AADACL4: variants seen among roughly 807,000 people sequenced by gnomAD.
AADACL4 encodes arylacetamide deacetylase like 4.
AADACL4 carries 9 observed loss-of-function variants against 14.1 expected under a neutral mutation model. That is an observed-to-expected ratio of 0.64 (90% CI 0.39 to 1.12). The LOEUF is 1.12. AADACL4 is among the 50% of genes most tolerant of loss of function. AADACL4 has a pLI of 0.01. For missense variants in AADACL4, 531 were observed against 516.1 expected (o/e 1.03, Z -0.28); for synonymous variants, 188 against 201.6 (o/e 0.93, Z 0.57).
At chr1:12,658,365 T>G (rs1647200256) in intron 2 of AADACL4, among the ~76,000 whole-genome samples, 1 of 151,628 alleles carries the variant, frequency 6.6e-6, no homozygotes, top group African/African-American at 2.4e-5. Flanking sequence ...TTCAAGCGAG[T>G]ATCGTGCCTC....
intron 2 of AADACL4, among the ~76,000 whole-genome samples, chr1:12,657,480 G>A (rs993620763): frequency 2.6e-5 from 4 of 152,122 alleles, no homozygotes; most frequent in East Asian, 1.9e-4. Flanking sequence ...GTTGACCCTC[G>A]CCAGTGTTCA....
chr1:12,659,069 C>A (rs1647206617), intron 2 of AADACL4, among the ~76,000 whole-genome samples: 1 of 152,080 alleles, frequency 6.6e-6, no homozygotes, highest in African/African-American at 2.4e-5. Flanking sequence ...ATGTATGGAC[C>A]GACGCATGGA....
In AADACL4 at chr1:12,666,940, C is replaced by A; in HGVS notation, c.*205C>A. On this transcript the variant is annotated 3_prime_UTR_variant, in exon 4 of 4. Transcript: ENST00000376221. ...TGTTTCCTTCCAGCACTAACAATGT[C>A]CATTGCTGGATCTAGCGACATTCTC... is the stretch of plus-strand genomic sequence containing the variant. The A allele has an allele frequency of 3.7e-6, 2 of 533,588 alleles. No individual in the cohort carries two copies. The highest frequency in any genetic ancestry group is 6.5e-6 in the Non-Finnish European group (2 of 309,696). The allele number at this position is 533,588 out of a possible 1,614,324, so 33.1% of individuals were successfully genotyped here.
At chr1:12,651,897 C>T (rs532024870) in intron 2 of AADACL4, among the ~76,000 whole-genome samples, 5 of 148,776 alleles carry the variant, frequency 3.4e-5, no homozygotes, top group African/African-American at 7.6e-5. Context: ...GGCGTGATCT[C>T]GGCTCACTGC....
chr1:12,651,513 G>A (rs1647148415), intron 2 of AADACL4, among the ~76,000 whole-genome samples, 174 bp downstream of exon 2: 1 of 152,182 alleles, frequency 6.6e-6, no homozygotes, highest in Non-Finnish European at 1.5e-5. Context: ...TAGATAGTGT[G>A]GCAGCTGACA....
rs771094758 is a variant in AADACL4, at chr1:12,666,206, T to C, written c.695T>C (p.Leu232Ser). 5 of 1,614,256 alleles carry C rather than the reference T, an allele frequency of 3.1e-6. No homozygotes were observed. The highest frequency in any genetic ancestry group is 4.2e-6 in the Non-Finnish European group (5 of 1,180,048). Residue 232 changes from leucine to serine, a missense_variant, in exon 4 of 4, where the codon TTG becomes TCG. By Grantham distance (145) the Leu-to-Ser change is moderately radical (BLOSUM62 -2). Transcript: ENST00000376221. Reference sequence around the variant, plus strand: ...GTTGTCCAGGCATTCTGTTTGCAGTTGCCATCCTTTCAGCAGAACCAAAAT... The same window carrying C: ...GTTGTCCAGGCATTCTGTTTGCAGTCGCCATCCTTTCAGCAGAACCAAAAT... ...YPVVQAFCLQLPSFQQNQNVP... is the reference protein window; with the variant it reads ...YPVVQAFCLQSPSFQQNQNVP...
Position 12,644,536 on chromosome 1 carries a change from G to C in AADACL4, c.-11G>C, listed in dbSNP as rs765073868. 3 of 1,613,214 alleles carry C rather than the reference G, an allele frequency of 1.9e-6. No individual in the cohort carries two copies. The highest frequency in any genetic ancestry group is 1.7e-5 in the Admixed American group (1 of 59,984). ...CTCCTCAGGGCAGCAGCTCCTCAAGGCCCCAGGAACATGGCTGTCCCCTGG... is the reference window on the plus strand; with the variant it reads ...CTCCTCAGGGCAGCAGCTCCTCAAGCCCCCAGGAACATGGCTGTCCCCTGG... On this transcript the variant is annotated 5_prime_UTR_variant, in exon 1 of 4. Transcript: ENST00000376221.
chr1:12,644,621 T>C lies in AADACL4; in HGVS notation c.75T>C (p.Phe25=). 6.2e-7 allele frequency: 1 copy of C among 1,614,222 alleles called. No individual in the cohort carries two copies. The highest frequency in any genetic ancestry group is 8.5e-7 in the Non-Finnish European group (1 of 1,180,034). The stretch of plus-strand genomic sequence containing the variant: ...TGGGGGTCTTTGTCTGGGCTGTCTT[T>C]GAGCACTTCCTCACCACGGATATCC... The part of the protein sequence containing the change: ...FFLGVFVWAV[F]EHFLTTDIPA... The change falls in exon 1 of 4, where the codon TTT becomes TTC. Residue 25 remains phenylalanine, a synonymous_variant. Transcript: ENST00000376221.
At chr1:12,658,114 TC>T (rs1570431449) in intron 2 of AADACL4, among the ~76,000 whole-genome samples, 2 of 75,848 alleles carry the variant, frequency 2.6e-5, no homozygotes, top group East Asian at 6.8e-4. Context: ...TTTCTTTCCT[TC>T]CTTCCTTCCT....
chr1:12,650,640 C>T (rs559038205), intron 1 of AADACL4, among the ~76,000 whole-genome samples: 1 of 151,800 alleles, frequency 6.6e-6, no homozygotes, highest in Non-Finnish European at 1.5e-5. Context: ...TCAAGTGATT[C>T]TCCTGCCTCA....
At chr1:12,651,586 T>C (rs1032704314) in intron 2 of AADACL4, among the ~76,000 whole-genome samples, 1 of 152,144 alleles carries the variant, frequency 6.6e-6, no homozygotes, top group Admixed American at 6.5e-5. Context: ...GCAGTGGTCA[T>C]GGTGGGGCTG....
chr1:12,647,658 T>C (rs954122574), intron 1 of AADACL4, among the ~76,000 whole-genome samples: 6 of 150,966 alleles, frequency 4.0e-5, no homozygotes, highest in Non-Finnish European at 8.8e-5. Context: ...TTTCTTTCTT[T>C]CTTTTTTTTT....
chr1:12,657,221 C>T (rs1378734543), intron 2 of AADACL4, among the ~76,000 whole-genome samples: 1 of 151,014 alleles, frequency 6.6e-6, no homozygotes, highest in East Asian at 1.9e-4. Context: ...CTCATCTCTG[C>T]TTGTGACCCA....
At position 12,658,116 on chromosome 1, in the gene AADACL4, C is replaced by T. The variant is rs1333626558; in HGVS notation, c.386-3675C>T. Reference sequence around the variant, plus strand: ...CTTTCTTTCTCTCTTTCTTTCCTTCCTTCCTTCCTTCCTTCCTTCCTTCCT... The same window carrying T: ...CTTTCTTTCTCTCTTTCTTTCCTTCTTTCCTTCCTTCCTTCCTTCCTTCCT... On this transcript the variant is annotated intron_variant, in intron 2 of 3. Transcript: ENST00000376221. Among the ~76,000 whole-genome samples, 203 of 70,392 alleles carry T rather than the reference C, an allele frequency of 2.9e-3. 4 individuals are homozygous for T. The highest frequency in any genetic ancestry group is 0.013 in the African/African-American group (186 of 14,088). The allele number at this position is 70,392 out of a possible 152,430, so 46.2% of individuals were successfully genotyped here.
At chr1:12,658,026 CTCTT>C (rs1271560510) in intron 2 of AADACL4, among the ~76,000 whole-genome samples, 9 of 145,794 alleles carry the variant, frequency 6.2e-5, no homozygotes, top group South Asian at 2.2e-4. Flanking sequence ...CTCTTTCTTT[CTCTT>C]TCTTTCCTTC....
chr1:12,645,218 TCCTC>T (rs1367325608), intron 1 of AADACL4, among the ~76,000 whole-genome samples: 1 of 127,800 alleles, frequency 7.8e-6, no homozygotes, highest in African/African-American at 3.0e-5. Context: ...CCTTCTTCCT[TCCTC>T]CCTATCTCCT....
intron 2 of AADACL4, among the ~76,000 whole-genome samples, chr1:12,659,102 A>G (rs997250612): frequency 2.0e-5 from 3 of 152,206 alleles, no homozygotes; most frequent in Admixed American, 2.0e-4. Context: ...AAATTTGCCC[A>G]TAGGAAAAGG....
At chr1:12,663,558 G>T (rs546589001) in intron 3 of AADACL4, among the ~76,000 whole-genome samples, 1 of 152,238 alleles carries the variant, frequency 6.6e-6, no homozygotes, top group Non-Finnish European at 1.5e-5. Context: ...ATTTCAACAT[G>T]GGAATTTTAG....
At chr1:12,645,450 C>CT (rs150561090) in intron 1 of AADACL4, among the ~76,000 whole-genome samples, 9,788 of 152,194 alleles carry the variant, frequency 0.064, 464 homozygotes, top group African/African-American at 0.14. Flanking sequence ...CAGTTCCTGC[C>CT]TTCCCCGGGC....
Sources: allele counts gnomAD v4.1 joint callset (sites outside exome capture counted in the v4.1 genomes callset), GRCh38; gene constraint gnomAD v4.1.1; transcripts MANE v1.5; gene names NCBI Gene and HGNC (gene_info 2026-07-23, HGNC 2026-07-21).